The following GULP1 variants were observed in gnomAD, a reference collection of about 807,000 sequenced individuals.
The protein encoded by GULP1 is PTB domain-containing engulfment adapter protein 1.
GULP1 carries 19 observed loss-of-function variants against 40.9 expected under a neutral mutation model. The ratio of observed to expected loss-of-function variants is 0.46; its 90% CI spans 0.32 to 0.68. The LOEUF (loss-of-function observed/expected upper bound fraction) is 0.68. Ranked by LOEUF, GULP1 falls within the 30% of genes least tolerant of loss-of-function variation. The pLI is 0.03. For missense variants in GULP1, 312 were observed against 362.2 expected, an observed-to-expected ratio of 0.86 and a Z score of 1.12; for synonymous variants, 119 against 117.6, an observed-to-expected ratio of 1.01 and a Z score of -0.08.
chr2:188,504,253 A>G (rs1315526604), intron 4 of GULP1, among the ~76,000 whole-genome samples: 1 of 151,906 alleles, frequency 6.6e-6, no homozygotes, highest in Non-Finnish European at 1.5e-5. Context: ...CGATGTCATG[A>G]TTCACATATT....
rs1254748424 is a variant in GULP1, at chr2:188,292,373, T to C, written c.-172+207T>C. Among the ~76,000 whole-genome samples the C allele has an allele frequency of 6.6e-6, 1 of 152,152 alleles. No individual in the cohort carries two copies. The highest frequency in any genetic ancestry group is 1.5e-5 in the Non-Finnish European group (1 of 68,030). The stretch of plus-strand genomic sequence containing the variant: ...GGACAGCTAAATGCTCAGGGAGTCG[T>C]CCAGCACTAAAGGAGGCTAAGACCT... On this transcript the variant is annotated intron_variant, in intron 1 of 11. Transcript: ENST00000409830. The surrounding 1 kb of genome is among the most constrained non-coding windows in gnomAD (Gnocchi z 4.0).
intron 9 of GULP1, among the ~76,000 whole-genome samples, chr2:188,574,784 A>C (rs757112169): frequency 2.0e-5 from 3 of 152,192 alleles, no homozygotes; most frequent in Non-Finnish European, 4.4e-5. Context: ...AAATCTACCA[A>C]ATCGTCTAAT....
chr2:188,525,219 A>C (rs1043977044), intron 5 of GULP1, among the ~76,000 whole-genome samples: 11 of 152,084 alleles, frequency 7.2e-5, no homozygotes, highest in African/African-American at 2.4e-4. Flanking sequence ...CATGTTCAGC[A>C]GTTTCTATTT....
intron 1 of GULP1, among the ~76,000 whole-genome samples, chr2:188,331,097 A>G (rs1343231236): frequency 3.3e-5 from 5 of 152,176 alleles, no homozygotes; most frequent in Admixed American, 1.3e-4. Flanking sequence ...TAATTTCACA[A>G]CCATCTTCCC....
intron 1 of GULP1, among the ~76,000 whole-genome samples, chr2:188,373,075 A>G (rs1033400146): frequency 2.2e-5 from 2 of 91,838 alleles, no homozygotes; most frequent in Admixed American, 1.3e-4. Context: ...GAGCTGGGGA[A>G]GGGAATGATT....
chr2:188,368,978 T>TATATATATATATATATATA (rs2047233094), intron 1 of GULP1, among the ~76,000 whole-genome samples: 4 of 124,940 alleles, frequency 3.2e-5, no homozygotes, highest in Non-Finnish European at 5.0e-5. Flanking sequence ...TATATATATA[T>TATATATATATATATATATA]TTGAGACAGA....
At chr2:188,341,835 A>G (rs1253503561) in intron 1 of GULP1, among the ~76,000 whole-genome samples, 1 of 152,216 alleles carries the variant, frequency 6.6e-6, no homozygotes, top group Non-Finnish European at 1.5e-5. Context: ...GCCTAAAGTC[A>G]TAAAACTAAA....
chr2:188,329,381 C>T (rs2041233945), intron 1 of GULP1, among the ~76,000 whole-genome samples: 1 of 151,938 alleles, frequency 6.6e-6, no homozygotes, highest in Non-Finnish European at 1.5e-5. Context: ...AATAGGTAGT[C>T]TAGGAATAGG....
chr2:188,537,727 C>G (rs2153277158), intron 6 of GULP1, among the ~76,000 whole-genome samples: 1 of 152,050 alleles, frequency 6.6e-6, no homozygotes, highest in South Asian at 2.1e-4. Context: ...GTTCCTTCTC[C>G]TCAGTTTTTT....
intron 1 of GULP1, among the ~76,000 whole-genome samples, chr2:188,381,234 A>T (rs1307847224): frequency 6.6e-6 from 1 of 152,160 alleles, no homozygotes; most frequent in Non-Finnish European, 1.5e-5. Context: ...CATTTCCTGC[A>T]AGAAGAAAGG....
intron 1 of GULP1, among the ~76,000 whole-genome samples, chr2:188,358,772 A>G (rs2045702172): frequency 6.6e-6 from 1 of 152,142 alleles, no homozygotes; most frequent in Non-Finnish European, 1.5e-5. Flanking sequence ...AAAATTAAAT[A>G]AAAATAAGCT....
chr2:188,405,975 A>G (rs2053036635), intron 2 of GULP1, among the ~76,000 whole-genome samples: 1 of 152,246 alleles, frequency 6.6e-6, no homozygotes, highest in African/African-American at 2.4e-5. Context: ...AGATGTATGA[A>G]CCAACTGAAA....
chr2:188,433,987 TCCC>T (rs1429587401), intron 2 of GULP1, among the ~76,000 whole-genome samples: 1 of 151,820 alleles, frequency 6.6e-6, no homozygotes, highest in Non-Finnish European at 1.5e-5. Flanking sequence ...GGCATAATAT[TCCC>T]CCCACTTTTT....
intron 10 of GULP1, among the ~76,000 whole-genome samples, chr2:188,585,766 C>T (rs1023587305): frequency 2.0e-5 from 3 of 152,284 alleles, no homozygotes; most frequent in East Asian, 1.9e-4. Flanking sequence ...GAGGGGCTGC[C>T]GCAGATGTCT....
chr2:188,547,234 T>C (rs1301908179), intron 7 of GULP1, among the ~76,000 whole-genome samples: 1 of 148,000 alleles, frequency 6.8e-6, no homozygotes, highest in Non-Finnish European at 1.5e-5. Flanking sequence ...AAACCAGACT[T>C]AGACAATGAA....
At chr2:188,534,544 G>C (rs574529837) in intron 6 of GULP1, among the ~76,000 whole-genome samples, 244 of 152,172 alleles carry the variant, frequency 1.6e-3, no homozygotes, top group Non-Finnish European at 2.9e-3. Flanking sequence ...ACTATGCTTA[G>C]TACCTCAGTG....
At chr2:188,433,569 G>A (rs1295910782) in intron 2 of GULP1, among the ~76,000 whole-genome samples, 2 of 152,072 alleles carry the variant, frequency 1.3e-5, no homozygotes, top group African/African-American at 2.4e-5. Flanking sequence ...GGCTCAGGAC[G>A]ACTAACAGTT....
chr2:188,337,037 A>C (rs191521403), intron 1 of GULP1, among the ~76,000 whole-genome samples: 1 of 152,172 alleles, frequency 6.6e-6, no homozygotes, highest in Non-Finnish European at 1.5e-5. Context: ...CCTTGTGAGT[A>C]GTTTCCCAGA....
intron 1 of GULP1, among the ~76,000 whole-genome samples, chr2:188,346,973 A>G (rs2043765200): frequency 6.6e-6 from 1 of 151,896 alleles, no homozygotes; most frequent in Non-Finnish European, 1.5e-5. Context: ...CCGTCTCAAA[A>G]AAAAAAAAAA....
Sources: allele counts gnomAD v4.1 joint callset (sites outside exome capture counted in the v4.1 genomes callset), GRCh38; gene constraint gnomAD v4.1.1; non-coding constraint Gnocchi (gnomAD v3.1); transcripts MANE v1.5; gene names NCBI Gene and HGNC (gene_info 2026-07-23, HGNC 2026-07-21).